IQCM: variants seen among roughly 807,000 people sequenced by gnomAD.
The protein encoded by IQCM is IQ motif containing M.
In IQCM, 45 loss-of-function variants were observed where a neutral mutation model predicts 57.6. The ratio of observed to expected loss-of-function variants is 0.78; its 90% CI spans 0.62 to 1.00. The LOEUF (loss-of-function observed/expected upper bound fraction) is 1.00, where lower values mean the gene tolerates loss of function less well. Among genes scored for constraint, IQCM ranks in the 50% least tolerant of loss-of-function variants. IQCM has a pLI of 0.00. For missense variants in IQCM, 468 were observed against 511.6 expected, an observed-to-expected ratio of 0.91 and a Z score of 0.82; for synonymous variants, 148 against 158.9, an observed-to-expected ratio of 0.93 and a Z score of 0.51.
chr4:149,604,608 C>T (rs772468864), intron 8 of IQCM, among the ~76,000 whole-genome samples: 16 of 152,142 alleles, frequency 1.1e-4, no homozygotes, highest in Admixed American at 2.0e-4. Flanking sequence ...ATTATTACTA[C>T]TGAAATTTTC....
chr4:149,686,033 T>C (rs1377307020), intron 6 of IQCM, among the ~76,000 whole-genome samples: 2 of 151,568 alleles, frequency 1.3e-5, no homozygotes, highest in Non-Finnish European at 3.0e-5. Flanking sequence ...CTCTGCTCCA[T>C]AATTGCTGCA....
At chr4:149,774,662 G>A (rs909568720) in intron 2 of IQCM, among the ~76,000 whole-genome samples, 7 of 151,386 alleles carry the variant, frequency 4.6e-5, no homozygotes, top group Non-Finnish European at 8.8e-5. Context: ...ACTTGGGGAC[G>A]TCCTCTTCCA....
intron 2 of IQCM, among the ~76,000 whole-genome samples, chr4:149,758,188 G>A (rs112075159): frequency 0.026 from 3,946 of 152,216 alleles, 169 homozygotes; most frequent in African/African-American, 0.085. Context: ...ATAGACATTA[G>A]ATGAAAAATT....
At chr4:149,739,443 C>T (rs2149902387) in intron 3 of IQCM, among the ~76,000 whole-genome samples, 1 of 144,958 alleles carries the variant, frequency 6.9e-6, no homozygotes, top group South Asian at 2.2e-4. Flanking sequence ...TTGGGCTAAA[C>T]TTTTCCCCAA....
At chr4:149,739,758 A>T (rs1335855917) in intron 3 of IQCM, among the ~76,000 whole-genome samples, 3 of 152,092 alleles carry the variant, frequency 2.0e-5, no homozygotes, top group Admixed American at 6.6e-5. Flanking sequence ...TAACATTCCT[A>T]TAGGAAAAAA....
At chr4:149,550,748 C>T (rs531790513) in intron 11 of IQCM, among the ~76,000 whole-genome samples, 3 of 152,150 alleles carry the variant, frequency 2.0e-5, no homozygotes, top group Admixed American at 1.3e-4. Flanking sequence ...TAGCCATCAA[C>T]ACACGGAAAG....
chr4:149,512,507 G>C (rs1744532340), intron 12 of IQCM, among the ~76,000 whole-genome samples: 1 of 152,114 alleles, frequency 6.6e-6, no homozygotes, highest in South Asian at 2.1e-4. Context: ...GACAGCTTTT[G>C]ACATTTTATA....
In IQCM at chr4:149,543,455, G is replaced by A. The variant is rs537654840; in HGVS notation, c.1228+5000C>T. On this transcript the variant is annotated intron_variant, in intron 12 of 13. Coordinates refer to ENST00000636793, the MANE Select transcript of IQCM (RefSeq NM_001363507.2). ...TTCCCACCTATGAGTGAGAATATGC[G>A]GTGTTTGGTTTTTTGTTCTTGCGAT... 1.9e-3 allele frequency among the ~76,000 whole-genome samples: 282 copies of A among 151,890 alleles called. 1 individual carries two copies. The highest frequency in any genetic ancestry group is 2.9e-3 in the Non-Finnish European group (199 of 67,916).
intron 7 of IQCM, among the ~76,000 whole-genome samples, chr4:149,663,014 T>G (rs986983772): frequency 5.3e-5 from 8 of 152,090 alleles, no homozygotes; most frequent in Admixed American, 2.0e-4. Context: ...AGATTGGTGG[T>G]TTTTTTGTGA....
chr4:149,689,949 C>G (rs1467735768), intron 5 of IQCM, among the ~76,000 whole-genome samples: 1 of 152,094 alleles, frequency 6.6e-6, no homozygotes, highest in African/African-American at 2.4e-5. Flanking sequence ...GGGAACACTT[C>G]TACACTGCTG....
intron 2 of IQCM, among the ~76,000 whole-genome samples, chr4:149,800,084 G>A (rs1247658720): frequency 6.6e-6 from 1 of 151,660 alleles, no homozygotes. Flanking sequence ...GCATATTGAT[G>A]AAAAAATCCT....
At chr4:149,516,026 A>C (rs569952550) in intron 12 of IQCM, among the ~76,000 whole-genome samples, 1 of 152,326 alleles carries the variant, frequency 6.6e-6, no homozygotes, top group South Asian at 2.1e-4. Flanking sequence ...GCCCATGAAC[A>C]AAGTGGCTGT....
At chr4:149,412,956 A>T (rs1228286255) in intron 13 of IQCM, among the ~76,000 whole-genome samples, 1 of 152,070 alleles carries the variant, frequency 6.6e-6, no homozygotes, top group Non-Finnish European at 1.5e-5. Flanking sequence ...AGCTGCCAGG[A>T]TCAGACTGTG....
chr4:149,629,135 G>A (rs1757047474), intron 7 of IQCM, among the ~76,000 whole-genome samples: 1 of 152,188 alleles, frequency 6.6e-6, no homozygotes, highest in Admixed American at 6.5e-5. Context: ...ATCAGGTGTA[G>A]TTACATGGAT....
At chr4:149,456,887 G>A (rs939217414) in intron 12 of IQCM, among the ~76,000 whole-genome samples, 1 of 152,024 alleles carries the variant, frequency 6.6e-6, no homozygotes, top group Non-Finnish European at 1.5e-5. Context: ...AAGTAAAGAG[G>A]TGAGTTAACA....
rs1482780271 is a variant in IQCM, at chr4:149,408,747, C to CT, written c.1390+24648dup. ...ATTATCATTTGAGGCTTTTCTTTTT[C>CT]TTTTTTTAGATAATACCATAGCAGA... is the stretch of plus-strand genomic sequence containing the variant. On this transcript the variant is annotated intron_variant, in intron 13 of 13. Coordinates refer to ENST00000636793, the MANE Select transcript of IQCM (RefSeq NM_001363507.2). Among the ~76,000 whole-genome samples, 3 of 152,048 alleles carry CT rather than the reference C, an allele frequency of 2.0e-5. No homozygotes were observed. The East Asian group carries it at 5.8e-4, about 29-fold the overall frequency.
At chr4:149,420,389 G>A (rs1034862142) in intron 13 of IQCM, among the ~76,000 whole-genome samples, 12 of 151,930 alleles carry the variant, frequency 7.9e-5, no homozygotes, top group Non-Finnish European at 1.5e-4. Flanking sequence ...AGAAAACCAA[G>A]TATTACATGT....
At chr4:149,633,924 G>A (rs1757503995) in intron 7 of IQCM, among the ~76,000 whole-genome samples, 1 of 152,104 alleles carries the variant, frequency 6.6e-6, no homozygotes, top group Non-Finnish European at 1.5e-5. Flanking sequence ...GTGACTATGT[G>A]ATAACAAAGA....
At chr4:149,613,736 C>A (rs1446091429) in intron 8 of IQCM, among the ~76,000 whole-genome samples, 2 of 152,100 alleles carry the variant, frequency 1.3e-5, no homozygotes, top group African/African-American at 2.4e-5. Context: ...CACCCCACAA[C>A]AGGCCCCGGT....
Sources: allele counts gnomAD v4.1 joint callset (sites outside exome capture counted in the v4.1 genomes callset), GRCh38; gene constraint gnomAD v4.1.1; transcripts MANE v1.5; gene names NCBI Gene and HGNC (gene_info 2026-07-23, HGNC 2026-07-21).